The following DTHD1 variants were observed in gnomAD, a reference collection of about 807,000 sequenced individuals.
DTHD1 encodes death domain containing 1.
A neutral mutation model predicts 74.8 loss-of-function variants in DTHD1; 59 were observed. That is an observed-to-expected ratio of 0.79 (90% confidence interval 0.64 to 0.98). The LOEUF is 0.98. Among genes scored for constraint, DTHD1 ranks in the 50% least tolerant of loss-of-function variants. The probability of loss-of-function intolerance (pLI) is 0.00; values close to 1 mark genes in which losing one functional copy is unlikely to be tolerated. For missense variants in DTHD1, 1,051 were observed against 1,065.4 expected, an observed-to-expected ratio of 0.99 and a Z score of 0.19; for synonymous variants, 365 against 371.1, an observed-to-expected ratio of 0.98 and a Z score of 0.19.
chr4:36,320,180 A>G (rs1757968537), intron 8 of DTHD1, among the ~76,000 whole-genome samples: 1 of 152,064 alleles, frequency 6.6e-6, no homozygotes, highest in South Asian at 2.1e-4. Flanking sequence ...CTGTATGTCT[A>G]TGTACCATAT....
intron 7 of DTHD1, among the ~76,000 whole-genome samples, chr4:36,314,444 G>T (rs577690025): frequency 6.6e-6 from 1 of 151,812 alleles, no homozygotes; most frequent in East Asian, 1.9e-4. Context: ...AGGCCAAGGA[G>T]GGTGGATTGC....
chr4:36,338,660 A>C (rs1020783529), intron 8 of DTHD1, among the ~76,000 whole-genome samples: 1 of 151,816 alleles, frequency 6.6e-6, no homozygotes, highest in African/African-American at 2.4e-5. Flanking sequence ...TAAAAGGTTG[A>C]TTTTCGAATA....
intron 2 of DTHD1, among the ~76,000 whole-genome samples, chr4:36,289,040 TC>T (rs1755897540): frequency 2.0e-5 from 3 of 152,236 alleles, no homozygotes; most frequent in African/African-American, 7.2e-5. Context: ...CTCTGCAATT[TC>T]TACATATTTT....
intron 8 of DTHD1, among the ~76,000 whole-genome samples, chr4:36,322,435 A>T (rs1244691095): frequency 6.6e-6 from 1 of 152,162 alleles, no homozygotes; most frequent in Admixed American, 6.5e-5. Flanking sequence ...GTGAGTTGGT[A>T]GGTGGGATAG....
rs111656329 is a variant in DTHD1 at position 36,309,341 on chromosome 4, C to T, written c.2095+848C>T. Reference sequence around the variant, plus strand: ...GGTGGCAGGTGCCTGTAATCCCAGCCGCTGGGAGGCTGAGGCAGGAGAATC... The same window carrying T: ...GGTGGCAGGTGCCTGTAATCCCAGCTGCTGGGAGGCTGAGGCAGGAGAATC... On this transcript the variant is annotated intron_variant, in intron 7 of 9. Coordinates refer to ENST00000639862, the MANE Select transcript of DTHD1 (RefSeq NM_001170700.3). Among the ~76,000 whole-genome samples the T allele has an allele frequency of 6.1e-3, 932 of 152,100 alleles. 3 individuals are homozygous for T. Among genetic ancestry groups the T allele is most frequent in the African/African-American group, 0.02 (842 of 41,492 alleles).
At position 36,293,646 on chromosome 4, in the gene DTHD1, C is replaced by T. The variant is rs970203447; in HGVS notation, c.1339C>T (p.Arg447Ter). ...CGCTCTTAAGTCAAGCATGGATTCCCGAATATCCTTAAATTACCCTCCAGG... is the reference window on the plus strand; with the variant it reads ...CGCTCTTAAGTCAAGCATGGATTCCTGAATATCCTTAAATTACCCTCCAGG... ...GLALKSSMDS[R>*]ISLNYPPGVF... The change falls in exon 4 of 10, where the codon CGA becomes TGA. Residue 447 changes from arginine (R) to a stop codon, truncating the protein, a stop_gained. Transcript: ENST00000639862. LOFTEE classifies it high-confidence loss of function. 13 of 1,548,066 alleles carry T rather than the reference C, an allele frequency of 8.4e-6. No individual in the cohort carries two copies. Among genetic ancestry groups the T allele is most frequent in the Admixed American group, 7.9e-5 (4 of 50,896 alleles).
chr4:36,293,812 G>A, intron 4 of DTHD1, 107 bp downstream of exon 4: 1 of 1,002,600 alleles, frequency 1.0e-6, no homozygotes, highest in Non-Finnish European at 1.4e-6. Context: ...ACAAAAAATG[G>A]ATTATTTTCT....
chr4:36,343,083 C>CAACAAACAAACAAACA (rs149943081), intron 9 of DTHD1, among the ~76,000 whole-genome samples: 2,206 of 150,582 alleles, frequency 0.015, 55 homozygotes, highest in African/African-American at 0.05. Flanking sequence ...GAGCGAGACT[C>CAACAAACAAACAAACA]AACAAACAAA....
chr4:36,308,291 C>T lies in DTHD1; in HGVS notation c.1893C>T (p.Thr631=), dbSNP rs772819020. Residue 631 remains threonine, a synonymous_variant, in exon 7 of 10, where the codon ACC becomes ACT. Coordinates refer to ENST00000639862, the MANE Select transcript of DTHD1 (RefSeq NM_001170700.3). The stretch of plus-strand genomic sequence containing the variant: ...CTTTAGAGGAAGCCATGCTCAGCAC[C>T]ACTGCCTGCATAGTACTGTCTCACC... ...VKSLEEAMLS[T]TACIVLSHQK... is the part of the protein sequence containing the mutation. The T allele has an allele frequency of 1.3e-6, 2 of 1,551,910 alleles. No individual in the cohort carries two copies. The highest frequency in any genetic ancestry group is 4.9e-5 in the East Asian group (2 of 40,930).
At chr4:36,335,721 G>A (rs1285197148) in intron 8 of DTHD1, among the ~76,000 whole-genome samples, 1 of 152,176 alleles carries the variant, frequency 6.6e-6, no homozygotes, top group Non-Finnish European at 1.5e-5. Context: ...GGTTTCTTGG[G>A]AAATAACACT....
intron 8 of DTHD1, among the ~76,000 whole-genome samples, chr4:36,326,467 A>G (rs2109545472): frequency 6.6e-6 from 1 of 151,448 alleles, no homozygotes; most frequent in African/African-American, 2.4e-5. Context: ...ACTGAAGCAT[A>G]TAGAGGTTTT....
intron 5 of DTHD1, among the ~76,000 whole-genome samples, chr4:36,300,377 T>A (rs1179546938): frequency 2.6e-5 from 4 of 152,216 alleles, no homozygotes; most frequent in Non-Finnish European, 5.9e-5. Context: ...CAGTGTCATG[T>A]TCTGCTCACT....
At chr4:36,292,348 C>T (rs1021010256) in intron 3 of DTHD1, among the ~76,000 whole-genome samples, 2 of 151,914 alleles carry the variant, frequency 1.3e-5, no homozygotes, top group South Asian at 2.1e-4. Flanking sequence ...AAAGAGAGAG[C>T]GAGGGAATCA....
At position 36,290,383 on chromosome 4, in the gene DTHD1, GTGCTGAGTGATGT is replaced by G. The variant is rs1256493006; in HGVS notation, c.900_912del (p.Ser302AlafsTer18). 6.5e-7 allele frequency: 1 copy of G among 1,548,190 alleles called. No homozygotes were observed. The highest frequency in any genetic ancestry group is 8.7e-7 in the Non-Finnish European group (1 of 1,144,276). On this transcript the variant is annotated frameshift_variant, in exon 3 of 10. Coordinates refer to ENST00000639862, the MANE Select transcript of DTHD1 (RefSeq NM_001170700.3). LOFTEE classifies it high-confidence loss of function. ...TTTTTCCCCCTCCAGGTATCTTGAT[GTGCTGAGTGATGT>G]TACTGGCCCCCAAGTGTCTTGTTAT...
chr4:36,301,798 C>CT (rs10718142), intron 5 of DTHD1, among the ~76,000 whole-genome samples: 25 of 149,704 alleles, frequency 1.7e-4, no homozygotes, highest in African/African-American at 3.4e-4. Context: ...TCATCACTCC[C>CT]TTTTTTTTTT....
rs556173917 is a variant in DTHD1, at chr4:36,295,584, TA to T, written c.1643+553del. On this transcript the variant is annotated intron_variant, in intron 5 of 9. Transcript: ENST00000639862. ...ACCAAGATTTCTAAAGAATATATAT[TA>T]AAAAAAACTTGTAGAAATACAAAGG... 7.2e-5 allele frequency among the ~76,000 whole-genome samples: 11 copies of T among 151,840 alleles called. No homozygotes were observed. The East Asian group carries it at 1.9e-3, about 27-fold the overall frequency.
At chr4:36,316,923 TAA>T (rs1229009581) in intron 8 of DTHD1, among the ~76,000 whole-genome samples, 1 of 152,232 alleles carries the variant, frequency 6.6e-6, no homozygotes, top group African/African-American at 2.4e-5. Flanking sequence ...TATGTTTGCC[TAA>T]AATTCTTACT....
chr4:36,305,894 C>T (rs1757019307), intron 5 of DTHD1, among the ~76,000 whole-genome samples: 1 of 152,186 alleles, frequency 6.6e-6, no homozygotes, highest in South Asian at 2.1e-4. Flanking sequence ...TTAGCATTTT[C>T]ACTTTGCAAG....
rs193040320 is a variant in DTHD1 at position 36,346,526 on chromosome 4, G to A, written c.*2702G>A. Among the ~76,000 whole-genome samples the A allele has an allele frequency of 3.3e-5, 5 of 152,088 alleles. No individual in the cohort carries two copies. Among genetic ancestry groups the A allele is most frequent in the East Asian group, 1.9e-4 (1 of 5,174 alleles). On this transcript the variant is annotated 3_prime_UTR_variant, in exon 10 of 10. Transcript: ENST00000639862. ...ATCCCTGCAGCATCTCCTCTCTTAA[G>A]ATAATCCAGGAAATCAATCCCATGT...
Sources: allele counts gnomAD v4.1 joint callset (sites outside exome capture counted in the v4.1 genomes callset), GRCh38; gene constraint gnomAD v4.1.1; transcripts MANE v1.5; gene names NCBI Gene and HGNC (gene_info 2026-07-23, HGNC 2026-07-21).